Variants in CDH13 observed in about 807,000 individuals in gnomAD.
CDH13 encodes cadherin-13.
Under a neutral mutation model 63.8 loss-of-function variants are expected in CDH13, and 24 were observed. That is an observed-to-expected ratio of 0.38 (90% CI 0.27 to 0.53). CDH13 has a LOEUF of 0.53. Among genes scored for constraint, CDH13 ranks in the 20% least tolerant of loss-of-function variants. CDH13 has a pLI of 0.85. For synonymous variants in CDH13, 503 were observed against 355.3 expected (o/e 1.42, Z -4.67); for missense variants, 1,049 against 903.1 (o/e 1.16, Z -2.07).
chr16:83,312,790 T>C (rs956144815), intron 5 of CDH13, among the ~76,000 whole-genome samples: 1 of 152,108 alleles, frequency 6.6e-6, no homozygotes, highest in Non-Finnish European at 1.5e-5. Context: ...CAAACCTAAA[T>C]TGCAAATCTC....
intron 3 of CDH13, among the ~76,000 whole-genome samples, chr16:83,055,424 G>A (rs1380120151): frequency 2.6e-5 from 4 of 151,558 alleles, no homozygotes; most frequent in African/African-American, 7.3e-5. Flanking sequence ...TAAACAAATG[G>A]AGACAGCACT....
intron 6 of CDH13, among the ~76,000 whole-genome samples, chr16:83,349,581 C>T (rs4782775): frequency 3.9e-4 from 56 of 145,116 alleles, no homozygotes; most frequent in Middle Eastern, 3.5e-3. Context: ...ACTTGAGGTG[C>T]ATTATTATTA....
chr16:82,906,834 G>A (rs532470097), intron 2 of CDH13, among the ~76,000 whole-genome samples: 1 of 152,216 alleles, frequency 6.6e-6, no homozygotes, highest in Admixed American at 6.5e-5. Flanking sequence ...GCCAACCTCT[G>A]CTTCCATTGT....
At chr16:82,675,890 C>T (rs1469327351) in intron 1 of CDH13, among the ~76,000 whole-genome samples, 1 of 152,316 alleles carries the variant, frequency 6.6e-6, no homozygotes, top group Admixed American at 6.5e-5. Context: ...CAGTTCTGAA[C>T]CTAGACCATA....
At position 82,811,014 on chromosome 16, in the gene CDH13, C is replaced by T. The variant is rs961240642; in HGVS notation, c.46-47348C>T. 3.3e-5 allele frequency among the ~76,000 whole-genome samples: 5 copies of T among 152,112 alleles called. No homozygotes were observed. The East Asian group carries it at 7.7e-4, about 23-fold the overall frequency. The stretch of plus-strand genomic sequence containing the variant: ...AAGCCTGGGCAGTCCATCTCAGATC[C>T]TGTTCAGGTGCATAGATTAAAATAT... On this transcript the variant is annotated intron_variant, in intron 1 of 13. Coordinates refer to ENST00000567109, the MANE Select transcript of CDH13 (RefSeq NM_001257.5).
At chr16:82,636,864 C>G (rs373379561) in intron 1 of CDH13, among the ~76,000 whole-genome samples, 24 of 152,138 alleles carry the variant, frequency 1.6e-4, no homozygotes, top group East Asian at 1.5e-3. Context: ...TGAGAGTTTC[C>G]TAAAAACTTA....
chr16:82,745,971 A>T (rs1374529322), intron 1 of CDH13, among the ~76,000 whole-genome samples: 2 of 152,136 alleles, frequency 1.3e-5, no homozygotes, highest in Admixed American at 1.3e-4. Context: ...AACTATTGTT[A>T]TATTTAATAC....
chr16:82,880,229 G>A (rs540695367), intron 2 of CDH13, among the ~76,000 whole-genome samples: 18 of 152,068 alleles, frequency 1.2e-4, no homozygotes, highest in South Asian at 4.2e-4. Context: ...CAAGTGCAGC[G>A]TCCTCATGCT....
chr16:83,508,817 C>T (rs1011138831), intron 7 of CDH13, among the ~76,000 whole-genome samples: 8 of 152,206 alleles, frequency 5.3e-5, no homozygotes, highest in Non-Finnish European at 7.3e-5. Context: ...CTAGCTGGAT[C>T]CATTATTCTC....
chr16:82,966,977 C>G (rs1460125151), intron 2 of CDH13, among the ~76,000 whole-genome samples: 1 of 152,120 alleles, frequency 6.6e-6, no homozygotes, highest in Non-Finnish European at 1.5e-5. Context: ...TATTTTGGCC[C>G]AGGATCTAAT....
intron 10 of CDH13, among the ~76,000 whole-genome samples, chr16:83,724,731 C>A (rs139488886): frequency 6.6e-6 from 1 of 152,288 alleles, no homozygotes; most frequent in Non-Finnish European, 1.5e-5. Context: ...CCCTCCCTTC[C>A]CAGCCTGAGC....
intron 7 of CDH13, among the ~76,000 whole-genome samples, chr16:83,578,453 A>T (rs1218366777): frequency 6.6e-6 from 1 of 152,208 alleles, no homozygotes; most frequent in East Asian, 1.9e-4. Flanking sequence ...AGGGAGACAC[A>T]AATAAGAGAG....
At chr16:83,260,139 CACACG>C in intron 5 of CDH13, among the ~76,000 whole-genome samples, 1 of 150,366 alleles carries the variant, frequency 6.7e-6, no homozygotes, top group East Asian at 2.0e-4. Flanking sequence ...CACACACACA[CACACG>C]CTCTCTCAAA....
chr16:82,779,255 G>A (rs189814801), intron 1 of CDH13, among the ~76,000 whole-genome samples: 209 of 152,232 alleles, frequency 1.4e-3, no homozygotes, highest in Admixed American at 2.5e-3. Flanking sequence ...GTGTAGGGAA[G>A]TTGAGGGACA....
chr16:83,187,063 C>T (rs759360522), intron 4 of CDH13, among the ~76,000 whole-genome samples: 7 of 152,074 alleles, frequency 4.6e-5, no homozygotes, highest in Non-Finnish European at 7.4e-5. Flanking sequence ...CTGCACCTCC[C>T]GAGTTCAAGT....
intron 1 of CDH13, among the ~76,000 whole-genome samples, chr16:82,811,205 C>G (rs1019254919): frequency 6.6e-6 from 1 of 152,126 alleles, no homozygotes; most frequent in Non-Finnish European, 1.5e-5. Context: ...CAAATTCTTA[C>G]TCAGTGATGC....
chr16:83,106,369 C>A (rs2034764933), intron 3 of CDH13, among the ~76,000 whole-genome samples: 1 of 152,018 alleles, frequency 6.6e-6, no homozygotes, highest in Admixed American at 6.6e-5. Flanking sequence ...GAAACCCTGT[C>A]TCTACTAAAG....
chr16:83,158,461 A>G (rs2037308969), intron 4 of CDH13, among the ~76,000 whole-genome samples: 1 of 152,188 alleles, frequency 6.6e-6, no homozygotes, highest in Non-Finnish European at 1.5e-5. Flanking sequence ...CAGGGAGCCC[A>G]GGCTCACGTG....
At chr16:83,192,979 T>C (rs945023069) in intron 4 of CDH13, among the ~76,000 whole-genome samples, 1 of 152,076 alleles carries the variant, frequency 6.6e-6, no homozygotes, top group South Asian at 2.1e-4. Context: ...ACTTGGGCTT[T>C]GTATTTGGAG....
Sources: gnomAD v4.1 joint callset for allele counts (sites outside exome capture counted in the v4.1 genomes callset) on GRCh38, gnomAD v4.1.1 for gene constraint, MANE v1.5 for transcripts, NCBI Gene and HGNC (gene_info 2026-07-23, HGNC 2026-07-21) for gene names.